CCDC33: variants seen among roughly 807,000 people sequenced by gnomAD.
The protein encoded by CCDC33 is coiled-coil domain containing 33.
CCDC33 carries 94 observed loss-of-function variants against 91.9 expected under a neutral mutation model. That is an observed-to-expected ratio of 1.02 (90% confidence interval 0.87 to 1.21). The LOEUF is 1.21. Among genes scored for constraint, CCDC33 ranks in the 50% most tolerant of loss-of-function variants. The pLI is 0.00. For synonymous variants in CCDC33, 396 were observed against 374.5 expected, an observed-to-expected ratio of 1.06 and a Z score of -0.66; for missense variants, 940 against 935.5, an observed-to-expected ratio of 1.00 and a Z score of -0.06.
exon 1 of CCDC33, chr15:74,217,548 A>G: frequency 7.9e-7 from 1 of 1,260,448 alleles, no homozygotes; most frequent in Non-Finnish European, 1.0e-6. Flanking sequence ...CCTCACCCTC[A>G]CCAGGAGCAA....
At chr15:74,335,593 C>T (rs563554778) in intron 18 of CCDC33, 9 of 351,990 alleles carry the variant, frequency 2.6e-5, no homozygotes, top group African/African-American at 1.0e-4. Context: ...CGCCCAGCCC[C>T]GCAAAGCAAA....
chr15:74,319,116 G>A (rs2060155315), intron 11 of CCDC33, among the ~76,000 whole-genome samples: 2 of 152,194 alleles, frequency 1.3e-5, no homozygotes, highest in Admixed American at 6.5e-5. Flanking sequence ...GCTCAGACTG[G>A]GGGCTGGGGC....
At chr15:74,242,842 C>T (rs1023531177) in intron 1 of CCDC33, among the ~76,000 whole-genome samples, 2 of 152,148 alleles carry the variant, frequency 1.3e-5, no homozygotes, top group African/African-American at 4.8e-5. Context: ...CCCACTGCCT[C>T]CCCAGTCAAA....
Position 74,271,778 on chromosome 15 carries a change from A to G in CCDC33, c.622A>G (p.Asn208Asp). ...AGTGGTGATTGCCCGGGTCGTTCCCAACTACAAGGAATTTAAGTGAGTGGG... is the reference window on the plus strand; with the variant it reads ...AGTGGTGATTGCCCGGGTCGTTCCCGACTACAAGGAATTTAAGTGAGTGGG... ...PIVVIARVVPNYKEFKVSQAN... is the reference protein window; with the variant it reads ...PIVVIARVVPDYKEFKVSQAN... The change falls in exon 6 of 19, where the codon AAC becomes GAC. Residue 208 changes from asparagine (N) to aspartate (D), a missense_variant. Transcript: ENST00000398814. The G allele has an allele frequency of 6.2e-7, 1 of 1,613,820 alleles. No individual in the cohort carries two copies. Among genetic ancestry groups the G allele is most frequent in the Non-Finnish European group, 8.5e-7 (1 of 1,179,804 alleles).
chr15:74,281,991 T>A (rs530061680), intron 10 of CCDC33, 142 bp downstream of exon 10: 3 of 679,440 alleles, frequency 4.4e-6, no homozygotes, highest in Non-Finnish European at 7.4e-6. Flanking sequence ...AAGGGTGATT[T>A]GAGACTCCAG....
At chr15:74,255,688 G>A (rs1265394267) in intron 2 of CCDC33, among the ~76,000 whole-genome samples, 1 of 152,258 alleles carries the variant, frequency 6.6e-6, no homozygotes, top group Admixed American at 6.5e-5. Flanking sequence ...CAGCACCCTG[G>A]AATGGGACAG....
chr15:74,327,508 G>A (rs547256271), intron 11 of CCDC33, among the ~76,000 whole-genome samples: 6 of 152,198 alleles, frequency 3.9e-5, no homozygotes, highest in African/African-American at 9.6e-5. Flanking sequence ...GGTGGTGCAC[G>A]CCTGTAGTCC....
chr15:74,324,370 C>T (rs930232046), intron 11 of CCDC33, among the ~76,000 whole-genome samples: 1 of 152,036 alleles, frequency 6.6e-6, no homozygotes, highest in Non-Finnish European at 1.5e-5. Context: ...TAATTCCTCA[C>T]TCACTTGCCA....
intron 2 of CCDC33, among the ~76,000 whole-genome samples, chr15:74,260,354 G>T (rs1185179806): frequency 2.0e-5 from 3 of 152,212 alleles, no homozygotes; most frequent in African/African-American, 7.2e-5. Context: ...GCCTGCAGGG[G>T]TGTGTCTGGA....
chr15:74,308,486 G>C (rs2059933327), intron 11 of CCDC33, among the ~76,000 whole-genome samples: 1 of 152,162 alleles, frequency 6.6e-6, no homozygotes, highest in Non-Finnish European at 1.5e-5. Flanking sequence ...GCTCCTGCCA[G>C]AGCTGCCGTC....
chr15:74,260,993 CTG>C (rs1340367760), intron 2 of CCDC33, among the ~76,000 whole-genome samples: 2 of 152,248 alleles, frequency 1.3e-5, no homozygotes, highest in Non-Finnish European at 2.9e-5. Flanking sequence ...GTTAGCATCT[CTG>C]TTTTATAGAT....
intron 2 of CCDC33, among the ~76,000 whole-genome samples, chr15:74,227,459 C>A (rs1317235428): frequency 6.6e-6 from 1 of 152,174 alleles, no homozygotes; most frequent in Non-Finnish European, 1.5e-5. Flanking sequence ...CCAAATCACA[C>A]CGAGTCCTGC....
intron 3 of CCDC33, among the ~76,000 whole-genome samples, chr15:74,263,663 A>C (rs1595975767): frequency 6.6e-6 from 1 of 152,240 alleles, no homozygotes. Flanking sequence ...ATGCAGAGGC[A>C]CATGCGTGCC....
At chr15:74,301,765 T>G (rs2059798676) in intron 11 of CCDC33, 1 of 152,168 alleles carries the variant, frequency 6.6e-6, no homozygotes, top group South Asian at 2.1e-4. Context: ...TATTCAGTGT[T>G]GTTTCCAGCA....
At chr15:74,210,379 C>T (rs2074349978) in intron 2 of CCDC33, among the ~76,000 whole-genome samples, 1 of 152,176 alleles carries the variant, frequency 6.6e-6, no homozygotes, top group South Asian at 2.1e-4. Flanking sequence ...ACTGACGTGG[C>T]AGAACCTCCA....
intron 3 of CCDC33, among the ~76,000 whole-genome samples, chr15:74,263,388 T>C (rs572291067): frequency 6.6e-6 from 1 of 152,320 alleles, no homozygotes; most frequent in East Asian, 1.9e-4. Context: ...GGTCTCTCCC[T>C]GAGAGGACAG....
At chr15:74,335,448 C>A (rs948855478) in intron 18 of CCDC33, 11 of 522,140 alleles carry the variant, frequency 2.1e-5, no homozygotes, top group African/African-American at 2.1e-4. Context: ...GGCCCTACCC[C>A]CCTGAATCCA....
intron 16 of CCDC33, chr15:74,333,383 G>A (rs1327416328): frequency 9.8e-6 from 13 of 1,333,242 alleles, no homozygotes; most frequent in Non-Finnish European, 1.3e-5. Flanking sequence ...ATGCTTCAGG[G>A]GCCCCTTGCT....
rs779700343 is a variant in CCDC33, at chr15:74,272,800, C to G, written c.668C>G (p.Ser223Cys). 5.6e-6 allele frequency: 9 copies of G among 1,614,124 alleles called. No homozygotes were observed. In the African/African-American group the frequency reaches 1.2e-4, roughly 22 times the overall value. Reference sequence around the variant, plus strand: ...AGCCAGGCTAACAGGGACCTGGCCTCTGTGGGGCTGCCCATCACCCCACTG... The same window carrying G: ...AGCCAGGCTAACAGGGACCTGGCCTGTGTGGGGCTGCCCATCACCCCACTG... ...KVSQANRDLA[S>C]VGLPITPLSF... The change falls in exon 7 of 19, where the codon TCT (serine) becomes TGT (cysteine). Residue 223 changes from serine to cysteine, a missense_variant. By Grantham distance (112) the Ser-to-Cys change is moderately radical. Transcript: ENST00000398814.
Sources: allele counts gnomAD v4.1 joint callset (sites outside exome capture counted in the v4.1 genomes callset), GRCh38; gene constraint gnomAD v4.1.1; transcripts MANE v1.5; gene names NCBI Gene and HGNC (gene_info 2026-07-23, HGNC 2026-07-21).